Variants in RGS6 observed in about 807,000 individuals in gnomAD.
The protein encoded by RGS6 is regulator of G protein signaling 6.
In RGS6, 30 loss-of-function variants were observed where a neutral mutation model predicts 78.5. That is an observed-to-expected ratio of 0.38 (90% confidence interval 0.29 to 0.52). The LOEUF is 0.52. RGS6 is among the 20% of genes least tolerant of loss of function. The pLI is 0.85. For synonymous variants in RGS6, 206 were observed against 206.0 expected, an observed-to-expected ratio of 1.00 and a Z score of 0.00; for missense variants, 495 against 609.7, an observed-to-expected ratio of 0.81 and a Z score of 1.98.
chr14:72,161,651 T>G (rs1394285776), intron 2 of RGS6, among the ~76,000 whole-genome samples: 1 of 152,220 alleles, frequency 6.6e-6, no homozygotes, highest in Non-Finnish European at 1.5e-5. Flanking sequence ...ATATTCTGTT[T>G]CTATGAAGTT....
At chr14:72,514,987 A>G (rs2096922746) in intron 14 of RGS6, among the ~76,000 whole-genome samples, 3 of 152,182 alleles carry the variant, frequency 2.0e-5, no homozygotes, top group African/African-American at 4.8e-5. Flanking sequence ...GAAGATGGCC[A>G]ACACTAACCA....
At chr14:72,474,495 A>C (rs957580712) in intron 9 of RGS6, 130 bp from the exon 10 acceptor site, 5 of 828,440 alleles carry the variant, frequency 6.0e-6, no homozygotes, top group Admixed American at 2.9e-5. Context: ...ATTATGGCAA[A>C]ATGGAAAAAA....
At chr14:72,333,340 CT>C (rs1258563800) in intron 2 of RGS6, among the ~76,000 whole-genome samples, 1 of 152,176 alleles carries the variant, frequency 6.6e-6, no homozygotes, top group Non-Finnish European at 1.5e-5. Context: ...CAGTCAGCTC[CT>C]GCCTGAGTCA....
intron 2 of RGS6, among the ~76,000 whole-genome samples, chr14:72,349,123 C>T (rs780646606): frequency 9.9e-5 from 15 of 152,232 alleles, no homozygotes; most frequent in South Asian, 2.1e-4. Flanking sequence ...GCCTAGATCA[C>T]GCCACTGCAC....
chr14:72,037,840 T>C (rs1245485188), intron 2 of RGS6, among the ~76,000 whole-genome samples: 2 of 152,236 alleles, frequency 1.3e-5, no homozygotes, highest in Admixed American at 6.5e-5. Flanking sequence ...TGAATTTTAC[T>C]GTATGTGAGT....
At chr14:72,428,659 T>C (rs1228641170) in intron 3 of RGS6, among the ~76,000 whole-genome samples, 1 of 152,212 alleles carries the variant, frequency 6.6e-6, no homozygotes, top group Non-Finnish European at 1.5e-5. Flanking sequence ...TTCGACTCCA[T>C]GTAACAACTG....
chr14:72,316,672 A>G (rs983962888), intron 2 of RGS6, among the ~76,000 whole-genome samples: 1 of 152,132 alleles, frequency 6.6e-6, no homozygotes, highest in Admixed American at 6.5e-5. Context: ...GAGCTTGATG[A>G]TATTCTCAAA....
chr14:72,394,815 G>C (rs139269299), intron 3 of RGS6, among the ~76,000 whole-genome samples: 2 of 152,136 alleles, frequency 1.3e-5, no homozygotes, highest in Admixed American at 1.3e-4. Flanking sequence ...AAAGACAGGC[G>C]TAAGAAATCA....
intron 2 of RGS6, among the ~76,000 whole-genome samples, chr14:72,111,509 A>T (rs1275470965): frequency 1.3e-5 from 2 of 152,190 alleles, no homozygotes; most frequent in Admixed American, 1.3e-4. Flanking sequence ...GAAGACAAGG[A>T]TGAGTCATAT....
intron 2 of RGS6, among the ~76,000 whole-genome samples, chr14:72,225,347 G>A (rs545357926): frequency 6.6e-6 from 1 of 152,122 alleles, no homozygotes; most frequent in South Asian, 2.1e-4. Flanking sequence ...TTTTGAGACA[G>A]GGCCTCATGC....
At chr14:72,398,384 G>A (rs1292661920) in intron 3 of RGS6, among the ~76,000 whole-genome samples, 1 of 152,284 alleles carries the variant, frequency 6.6e-6, no homozygotes, top group South Asian at 2.1e-4. Flanking sequence ...ATTTCTGTGG[G>A]ATCAGTGGTG....
intron 2 of RGS6, among the ~76,000 whole-genome samples, chr14:72,030,246 GCA>G (rs1215071808): frequency 1.3e-5 from 2 of 152,100 alleles, no homozygotes; most frequent in Non-Finnish European, 2.9e-5. Context: ...TAAAAGCACT[GCA>G]CACAGTGGTA....
intron 3 of RGS6, among the ~76,000 whole-genome samples, chr14:72,407,709 A>G (rs1260984984): frequency 6.6e-6 from 1 of 152,272 alleles, no homozygotes; most frequent in Non-Finnish European, 1.5e-5. Context: ...GAACCTCTCT[A>G]GTGCAATGAC....
At chr14:72,624,361 C>CA in the RGS6 span, among the ~76,000 whole-genome samples, 1,298 of 104,120 alleles carry the variant, frequency 0.012, 10 homozygotes, top group Non-Finnish European at 0.018. Context: ...TTTTCTGAGA[C>CA]AGAGTCTCAC....
At chr14:72,419,494 GA>G in intron 3 of RGS6, among the ~76,000 whole-genome samples, 1 of 152,302 alleles carries the variant, frequency 6.6e-6, no homozygotes, top group South Asian at 2.1e-4. Flanking sequence ...GGTATACCAG[GA>G]ACCAAATCCT....
At chr14:72,276,750 G>C (rs1307376861) in intron 2 of RGS6, among the ~76,000 whole-genome samples, 1 of 151,980 alleles carries the variant, frequency 6.6e-6, no homozygotes, top group Non-Finnish European at 1.5e-5. Flanking sequence ...CACCATGATT[G>C]TCAGGCCTCC....
intron 2 of RGS6, among the ~76,000 whole-genome samples, chr14:71,985,564 T>C (rs2094673476): frequency 6.6e-6 from 1 of 152,180 alleles, no homozygotes; most frequent in African/African-American, 2.4e-5. Flanking sequence ...ATATATATGG[T>C]TTTCTGGAAG....
intron 2 of RGS6, among the ~76,000 whole-genome samples, chr14:72,164,718 C>T (rs2096901408): frequency 6.6e-6 from 1 of 152,156 alleles, no homozygotes; most frequent in Non-Finnish European, 1.5e-5. Flanking sequence ...CCCCTTCTCT[C>T]TCTTCCTTCC....
At chr14:72,626,535 A>G in the RGS6 span, among the ~76,000 whole-genome samples, 9 of 152,150 alleles carry the variant, frequency 5.9e-5, no homozygotes, top group Admixed American at 5.9e-4. Flanking sequence ...ACAGCTGTAT[A>G]GTACTCCACT....
Sources: gnomAD v4.1 joint callset for allele counts (sites outside exome capture counted in the v4.1 genomes callset) on GRCh38, gnomAD v4.1.1 for gene constraint, MANE v1.5 for transcripts, NCBI Gene and HGNC (gene_info 2026-07-23, HGNC 2026-07-21) for gene names.